The following MLXIPL variants were observed in gnomAD, a reference collection of about 807,000 sequenced individuals.
MLXIPL encodes carbohydrate-responsive element-binding protein.
Under a neutral mutation model 81.5 loss-of-function variants are expected in MLXIPL, and 49 were observed. The observed-to-expected ratio is 0.60, with a 90% CI of 0.48 to 0.76. The LOEUF (loss-of-function observed/expected upper bound fraction) is 0.76. Among genes scored for constraint, MLXIPL ranks in the 30% least tolerant of loss-of-function variants. The probability of loss-of-function intolerance (pLI) is 0.00; values close to 1 mark genes in which losing one functional copy is unlikely to be tolerated. For missense variants in MLXIPL, 1,053 were observed against 1,167.0 expected, an observed-to-expected ratio of 0.90 and a Z score of 1.42; for synonymous variants, 466 against 485.5, an observed-to-expected ratio of 0.96 and a Z score of 0.53.
intron 3 of MLXIPL, 78 bp downstream of exon 3, chr7:73,607,512 C>G: frequency 6.3e-7 from 1 of 1,575,224 alleles, no homozygotes; most frequent in Non-Finnish European, 8.7e-7. Flanking sequence ...CTGCTCAGCG[C>G]AAGGCTACAG....
intron 9 of MLXIPL, 101 bp downstream of exon 9, chr7:73,597,081 A>G: frequency 6.9e-7 from 1 of 1,450,848 alleles, no homozygotes; most frequent in Non-Finnish European, 9.4e-7. Context: ...CTTGAACTGG[A>G]CCTGCCCCTT....
the MLXIPL span, among the ~76,000 whole-genome samples, chr7:73,631,938 C>CCT: frequency 1.3e-3 from 181 of 137,166 alleles, no homozygotes; most frequent in South Asian, 5.2e-3. Flanking sequence ...CTCCCCTCCT[C>CCT]TTCTTTTCTC....
chr7:73,646,983 T>C, the MLXIPL span, among the ~76,000 whole-genome samples: 1 of 152,088 alleles, frequency 6.6e-6, no homozygotes, highest in East Asian at 1.9e-4. Context: ...GGTGTTCCGT[T>C]TTACTCTGTC....
chr7:73,611,722 A>G (rs1795698214), intron 2 of MLXIPL, among the ~76,000 whole-genome samples: 1 of 151,780 alleles, frequency 6.6e-6, no homozygotes, highest in Non-Finnish European at 1.5e-5. Flanking sequence ...AGGCTGAGGC[A>G]TGAGAATTGC....
Position 73,594,324 on chromosome 7 carries a change from G to T in MLXIPL, c.2390C>A (p.Thr797Asn), listed in dbSNP as rs782169453. 5 of 1,611,590 alleles carry T rather than the reference G, an allele frequency of 3.1e-6. No homozygotes were observed. Among genetic ancestry groups the T allele is most frequent in the Non-Finnish European group, 4.2e-6 (5 of 1,179,996 alleles). The change falls in exon 16 of 17, where the codon ACC becomes AAC. Residue 797 changes from threonine (T) to asparagine (N), a missense_variant. This residue lies in a region of MLXIPL where 823 missense variants were observed against 933.0 expected (regional missense o/e 0.88). Coordinates refer to ENST00000313375, the MANE Select transcript of MLXIPL (RefSeq NM_032951.3). The part of the protein sequence containing the change: ...STASVHTLRQ[T>N]SLAWLDQYCS... ...GTACTGGTCCAGCCAGGCCAGTGAG[G>T]TCTGGCGGAGGGTGTGCACACTTGC...
the MLXIPL span, among the ~76,000 whole-genome samples, chr7:73,646,599 A>C: frequency 2.0e-5 from 3 of 152,116 alleles, no homozygotes; most frequent in Non-Finnish European, 1.5e-5. Flanking sequence ...ATTAGGGAGA[A>C]GTGAGATGGG....
At chr7:73,595,531 C>G in intron 15 of MLXIPL, 106 bp downstream of exon 15, 27 of 1,608,244 alleles carry the variant, frequency 1.7e-5, no homozygotes, top group Non-Finnish European at 2.3e-5. Context: ...GGGAGCAGCT[C>G]TGAGCCTGCC....
rs372431557 is a variant in MLXIPL, at chr7:73,596,470, C to T, written c.1832G>A (p.Arg611Gln). 20 of 1,612,920 alleles carry T rather than the reference C, an allele frequency of 1.2e-5. No homozygotes were observed. The highest frequency in any genetic ancestry group is 7.7e-5 in the South Asian group (7 of 91,084). The change falls in exon 12 of 17, where the codon CGG (arginine) becomes CAG (glutamine). Residue 611 changes from arginine to glutamine, a missense_variant. Arg to Gln is a conservative substitution (Grantham distance 43, BLOSUM62 1). This residue lies in a region of MLXIPL where 823 missense variants were observed against 933.0 expected (regional missense o/e 0.88). Transcript: ENST00000313375. The surrounding 1 kb of genome is among the most constrained non-coding windows in gnomAD (Gnocchi z 4.7). ...GGAGCTGAGGTCCCCTGACAGCCGC[C>T]GTTCACTGCCTGTGGTAGGGACAGA... is the stretch of plus-strand genomic sequence containing the variant. ...LSPPAPSGSERRLSGDLSSMP... is the reference protein window; with the variant it reads ...LSPPAPSGSEQRLSGDLSSMP...
chr7:73,625,509 C>T (rs1004341910), upstream of MLXIPL, among the ~76,000 whole-genome samples: 1 of 152,164 alleles, frequency 6.6e-6, no homozygotes, highest in Non-Finnish European at 1.5e-5. Context: ...TCAATCCTAG[C>T]ACTTTGGGAG....
chr7:73,599,534 G>A lies in MLXIPL; in HGVS notation c.1063C>T (p.Arg355Cys), dbSNP rs782324167. Residue 355 changes from arginine (R) to cysteine (C), a missense_variant, in exon 8 of 17, where the codon CGT (arginine) becomes TGT (cysteine). This residue lies in a region of MLXIPL where 823 missense variants were observed against 933.0 expected (regional missense o/e 0.88). Coordinates refer to ENST00000313375, the MANE Select transcript of MLXIPL (RefSeq NM_032951.3). ...GGGTGGGGTGAGCTCACCTGCAGAC[G>A]GCTGTGTCCAGAGAGGTGGGTCATG... ...SAMTHLSGHS[R>C]LQARNSCPGP... 1.2e-5 allele frequency: 19 copies of A among 1,612,770 alleles called. No individual in the cohort carries two copies. The highest frequency in any genetic ancestry group is 1.7e-4 in the Middle Eastern group (1 of 5,892).
In MLXIPL at chr7:73,621,945, C is replaced by T. The variant is rs559094529; in HGVS notation, c.293+2255G>A. ...CTCCCTCTCTCCATCTCCCTCTCTCCATCTCCCTCCCTCCTTTATCTCCCT... is the reference window on the plus strand; with the variant it reads ...CTCCCTCTCTCCATCTCCCTCTCTCTATCTCCCTCCCTCCTTTATCTCCCT... On this transcript the variant is annotated intron_variant, in intron 1 of 16. Coordinates refer to ENST00000313375, the MANE Select transcript of MLXIPL (RefSeq NM_032951.3). 1.8e-3 allele frequency among the ~76,000 whole-genome samples: 221 copies of T among 122,378 alleles called. 1 individual carries two copies. The highest frequency in any genetic ancestry group is 6.5e-3 in the African/African-American group (198 of 30,680). 80.3% of individuals were successfully genotyped at this position (122,378 alleles called of 152,430 possible). A position where few individuals can be genotyped will look rare whatever the true frequency, so the allele number is the denominator to read the frequency against.
chr7:73,614,649 C>A (rs1452446868), intron 2 of MLXIPL, among the ~76,000 whole-genome samples: 1 of 152,152 alleles, frequency 6.6e-6, no homozygotes, highest in Non-Finnish European at 1.5e-5. Flanking sequence ...CTCTGCTGCC[C>A]TGCCATGGGG....
rs367689422 is a variant in MLXIPL, at chr7:73,607,465, C to T, written c.484-45G>A. The T allele has an allele frequency of 1.6e-5, 24 of 1,520,982 alleles. No individual in the cohort carries two copies. The South Asian group carries it at 1.7e-4, about 11-fold the overall frequency. The allele number at this position is 1,520,982 out of a possible 1,614,324, so 94.2% of individuals were successfully genotyped here. A position where few individuals can be genotyped will look rare whatever the true frequency, so the allele number is the denominator to read the frequency against. ...AGGGGGATCAGTAGAGAGGGGAGCACCGCACACCCATCTCCCACCCTTCAC... is the reference window on the plus strand; with the variant it reads ...AGGGGGATCAGTAGAGAGGGGAGCATCGCACACCCATCTCCCACCCTTCAC... On this transcript the variant is annotated intron_variant, in intron 3 of 16. Transcript: ENST00000313375.
rs1360648108 is a variant in MLXIPL, at chr7:73,607,369, G to GCATCACCACCTCGATGCGCCGCTTC, written c.510_534dup (p.Arg179GlufsTer24). ...TAGATGCGCCACTTGTGGTATTCCCGCATCACCACCTCGATGCGCCGCTTC... is the reference window on the plus strand; with the variant it reads ...TAGATGCGCCACTTGTGGTATTCCCGCATCACCACCTCGATGCGCCGCTTCCATCACCACCTCGATGCGCCGCTTC... On this transcript the variant is annotated frameshift_variant, in exon 4 of 17. Transcript: ENST00000313375. LOFTEE classifies it high-confidence loss of function. 29 of 1,567,374 alleles carry GCATCACCACCTCGATGCGCCGCTTC rather than the reference G, an allele frequency of 1.9e-5. No individual in the cohort carries two copies. The highest frequency in any genetic ancestry group is 2.5e-5 in the Non-Finnish European group (29 of 1,155,774).
chr7:73,645,464 C>T, the MLXIPL span, among the ~76,000 whole-genome samples: 1 of 152,156 alleles, frequency 6.6e-6, no homozygotes, highest in Admixed American at 6.6e-5. Flanking sequence ...GACAGAGCCA[C>T]CTTGCCCCTA....
At position 73,605,948 on chromosome 7, in the gene MLXIPL, T is replaced by C; in HGVS notation, c.782A>G (p.Gln261Arg). 1 of 1,596,422 alleles carries C rather than the reference T, an allele frequency of 6.3e-7. No individual in the cohort carries two copies. The highest frequency in any genetic ancestry group is 8.5e-7 in the Non-Finnish European group (1 of 1,171,332). Residue 261 changes from glutamine (Q) to arginine (R), a missense_variant, in exon 6 of 17, where the codon CAG becomes CGG. By Grantham distance (43) the Gln-to-Arg change is conservative. Transcript: ENST00000313375. ...CAGCTGCAGGGGCGAAGGGCCGGAC[T>C]GAGTCATGGTGAAGAGAGTGTCTGA... is the stretch of plus-strand genomic sequence containing the variant. ...DISDTLFTMT[Q>R]SGPSPLQLPP...
At chr7:73,643,825 C>T in the MLXIPL span, among the ~76,000 whole-genome samples, 4 of 152,130 alleles carry the variant, frequency 2.6e-5, no homozygotes, top group East Asian at 1.9e-4. Flanking sequence ...TTCAGTGCAG[C>T]GGCACCACCA....
chr7:73,596,686 G>A lies in MLXIPL; in HGVS notation c.1775C>T (p.Pro592Leu). The change falls in exon 11 of 17, where the codon CCC becomes CTC. Residue 592 changes from proline (P) to leucine (L), a missense_variant. This residue lies in a region of MLXIPL where 823 missense variants were observed against 933.0 expected (regional missense o/e 0.88). Coordinates refer to ENST00000313375, the MANE Select transcript of MLXIPL (RefSeq NM_032951.3). The surrounding 1 kb of genome is among the most constrained non-coding windows in gnomAD (Gnocchi z 4.7). ...PGPATLAPSRPLLVPKAERLS... is the reference protein window; with the variant it reads ...PGPATLAPSRLLLVPKAERLS... ...CCGCTCCGCTTTGGGGACAAGCAGGGGCCTGGAAGGGGCCAATGTGGCCGG... is the reference window on the plus strand; with the variant it reads ...CCGCTCCGCTTTGGGGACAAGCAGGAGCCTGGAAGGGGCCAATGTGGCCGG... 6.3e-7 allele frequency: 1 copy of A among 1,588,740 alleles called. No individual in the cohort carries two copies. The highest frequency in any genetic ancestry group is 8.6e-7 in the Non-Finnish European group (1 of 1,167,682).
the MLXIPL span, among the ~76,000 whole-genome samples, chr7:73,637,733 T>G: frequency 0.019 from 2,902 of 152,250 alleles, 129 homozygotes; most frequent in East Asian, 0.14. Flanking sequence ...CAACTTCCTG[T>G]GAGCTCATGT....
Sources: gnomAD v4.1 joint callset for allele counts (sites outside exome capture counted in the v4.1 genomes callset) on GRCh38, gnomAD v4.1.1 for gene constraint, gnomAD v4.1.1 regional missense constraint, Gnocchi (gnomAD v3.1) non-coding constraint, MANE v1.5 for transcripts, NCBI Gene and HGNC (gene_info 2026-07-23, HGNC 2026-07-21) for gene names.